CARF: variants seen among roughly 807,000 people sequenced by gnomAD.
CARF encodes the protein calcium-responsive transcription factor.
In CARF, 57 loss-of-function variants were observed where a neutral mutation model predicts 82.0. The observed-to-expected ratio is 0.70, with a 90% CI of 0.56 to 0.87. CARF has a LOEUF of 0.87. CARF is among the 40% of genes least tolerant of loss of function. CARF has a pLI of 0.00. For synonymous variants in CARF, 268 were observed against 290.1 expected (o/e 0.92, Z 0.77); for missense variants, 771 against 855.8 (o/e 0.90, Z 1.24).
chr2:202,920,240 C>T (rs1408499287), intron 2 of CARF, among the ~76,000 whole-genome samples: 5 of 151,620 alleles, frequency 3.3e-5, no homozygotes, highest in Admixed American at 1.3e-4. Flanking sequence ...CTGCAAGCTC[C>T]GCCTCCCGGG....
chr2:202,954,126 AGTGACCGG>A lies in CARF; in HGVS notation c.554_557+4del. 6.2e-7 allele frequency: 1 copy of A among 1,612,882 alleles called. No homozygotes were observed. Among genetic ancestry groups the A allele is most frequent in the Non-Finnish European group, 8.5e-7 (1 of 1,179,496 alleles). On this transcript the variant is annotated frameshift_variant and splice_region_variant, in exon 7 of 17. Coordinates refer to ENST00000438828, the MANE Select transcript of CARF (RefSeq NM_024744.17). LOFTEE classifies it high-confidence loss of function. ...CATCCTTCCCATTGCCCAAAAAGTC[AGTGACCGG>A]GTGAGTCCACGGGAAAGAGAAGCTC...
chr2:202,929,155 C>T (rs904047037), intron 3 of CARF, among the ~76,000 whole-genome samples: 1 of 152,226 alleles, frequency 6.6e-6, no homozygotes, highest in East Asian at 1.9e-4. Flanking sequence ...GTTGTCTCTT[C>T]ACTCTGTTGC....
rs1691024803 is a variant in CARF at position 202,922,524 on chromosome 2, C to T, written c.-162-1773C>T. On this transcript the variant is annotated intron_variant, in intron 2 of 16. Coordinates refer to ENST00000438828, the MANE Select transcript of CARF (RefSeq NM_024744.17). ...AGAAAGAAATAAAGAGCATTTAGGC[C>T]AGTTGCTATGCCTCACGCCTATAAT... Among the ~76,000 whole-genome samples, 7 of 152,286 alleles carry T rather than the reference C, an allele frequency of 4.6e-5. 1 individual carries two copies. In the South Asian group the frequency reaches 1.5e-3, roughly 32 times the overall value.
At chr2:202,917,205 C>A (rs1353373320) in intron 1 of CARF, among the ~76,000 whole-genome samples, 1 of 64,908 alleles carries the variant, frequency 1.5e-5, no homozygotes, top group African/African-American at 5.4e-5. Context: ...AGCGAGACTC[C>A]GTCTCAAAAA....
chr2:202,926,263 C>T (rs536857823), intron 3 of CARF, among the ~76,000 whole-genome samples: 1 of 152,290 alleles, frequency 6.6e-6, no homozygotes, highest in African/African-American at 2.4e-5. Context: ...AGACGACCGC[C>T]TCTTTTTCAT....
chr2:202,987,605 A>G lies in CARF; in HGVS notation c.*3981A>G, dbSNP rs537847897. 6.6e-6 allele frequency among the ~76,000 whole-genome samples: 1 copy of G among 152,334 alleles called. No homozygotes were observed. The highest frequency in any genetic ancestry group is 2.4e-5 in the African/African-American group (1 of 41,580). On this transcript the variant is annotated 3_prime_UTR_variant, in exon 17 of 17. Transcript: ENST00000438828. ...TGTATAAATTTTACTGTTGAATAAT[A>G]CAAGTATTCATTGCTGACTGAATTC...
At chr2:202,977,183 A>C in intron 13 of CARF, 86 bp from the exon 14 acceptor site, 2 of 974,868 alleles carry the variant, frequency 2.1e-6, no homozygotes, top group South Asian at 2.9e-5. Flanking sequence ...CATACTGTGA[A>C]TAAAATATGA....
At chr2:202,964,883 G>GTATATATATA (rs150006525) in intron 9 of CARF, among the ~76,000 whole-genome samples, 16 of 144,950 alleles carry the variant, frequency 1.1e-4, no homozygotes, top group South Asian at 4.4e-4. Context: ...ACATATATGT[G>GTATATATATA]TATATATATA....
intron 14 of CARF, among the ~76,000 whole-genome samples, chr2:202,979,197 C>T (rs2060148073): frequency 6.6e-6 from 1 of 151,964 alleles, no homozygotes; most frequent in African/African-American, 2.4e-5. Flanking sequence ...GCAGAGGTTG[C>T]AGTGAGCTGA....
At chr2:202,931,350 A>T (rs1692905678) in intron 3 of CARF, among the ~76,000 whole-genome samples, 1 of 152,204 alleles carries the variant, frequency 6.6e-6, no homozygotes, top group Non-Finnish European at 1.5e-5. Flanking sequence ...ATAAAACTAT[A>T]TGTTAATTGA....
chr2:202,960,705 C>T (rs2059274700), intron 8 of CARF, among the ~76,000 whole-genome samples: 1 of 124,586 alleles, frequency 8.0e-6, no homozygotes, highest in Non-Finnish European at 1.9e-5. Flanking sequence ...TGCCTTCCCA[C>T]CTTCCCGCCT....
chr2:202,952,299 G>A (rs1016347747), intron 5 of CARF, among the ~76,000 whole-genome samples: 3 of 152,160 alleles, frequency 2.0e-5, no homozygotes, highest in African/African-American at 7.2e-5. Context: ...TCATCCATGT[G>A]TAATGATTAA....
intron 1 of CARF, among the ~76,000 whole-genome samples, chr2:202,916,948 C>A (rs1176444970): frequency 6.6e-6 from 1 of 152,092 alleles, no homozygotes; most frequent in Non-Finnish European, 1.5e-5. Context: ...CGGTGGCTCA[C>A]GCCTGTAATC....
At chr2:202,939,761 T>A (rs2058136336) in intron 3 of CARF, among the ~76,000 whole-genome samples, 1 of 145,302 alleles carries the variant, frequency 6.9e-6, no homozygotes, top group South Asian at 2.2e-4. Context: ...TGATTATGGC[T>A]CACTGCGGCC....
rs67693134 is a variant in CARF at position 202,986,868 on chromosome 2, G to GTATATA, written c.*3279_*3284dup. On this transcript the variant is annotated 3_prime_UTR_variant, in exon 17 of 17. Transcript: ENST00000438828. ...AAAGAGGTTTAAAAAATGTCTGTGC[G>GTATATA]TATATATATATATATATATATATAT... is the stretch of plus-strand genomic sequence containing the variant. 300 of 29,562 alleles carry GTATATA rather than the reference G, an allele frequency of 0.01. 5 individuals are homozygous for GTATATA. The highest frequency in any genetic ancestry group is 0.012 in the African/African-American group (152 of 12,982). 1.8% of individuals were successfully genotyped at this position (29,562 alleles called of 1,614,324 possible). A position where few individuals can be genotyped will look rare whatever the true frequency, so the allele number is the denominator to read the frequency against.
chr2:202,965,323 CTGTT>C (rs2059503589), intron 9 of CARF, among the ~76,000 whole-genome samples: 1 of 152,068 alleles, frequency 6.6e-6, no homozygotes, highest in Admixed American at 6.6e-5. Context: ...ATGTGTCTCT[CTGTT>C]TGTGGTGTTC....
chr2:202,961,528 A>ATT, intron 9 of CARF, 102 bp downstream of exon 9: 1 of 965,846 alleles, frequency 1.0e-6, no homozygotes, highest in Non-Finnish European at 1.6e-6. Context: ...TTGGTAGCTG[A>ATT]CAATTGAATG....
intron 13 of CARF, 41 bp downstream of exon 13, chr2:202,974,537 C>T (rs764595115): frequency 6.6e-7 from 1 of 1,522,192 alleles, no homozygotes; most frequent in African/African-American, 1.4e-5. Flanking sequence ...GAGTCTTTCT[C>T]AGCTTCTATT....
intron 9 of CARF, among the ~76,000 whole-genome samples, chr2:202,966,608 G>A (rs1205436672): frequency 6.6e-6 from 1 of 152,086 alleles, no homozygotes; most frequent in Non-Finnish European, 1.5e-5. Context: ...TACTTGGGAG[G>A]CTGAGGCAGG....
Sources: allele counts gnomAD v4.1 joint callset (sites outside exome capture counted in the v4.1 genomes callset), GRCh38; gene constraint gnomAD v4.1.1; transcripts MANE v1.5; gene names NCBI Gene and HGNC (gene_info 2026-07-23, HGNC 2026-07-21).